RP1L1: variants seen among roughly 807,000 people sequenced by gnomAD.
RP1L1 encodes the protein RP1 like 1.
RP1L1 carries 27 observed loss-of-function variants against 15.7 expected under a neutral mutation model. The ratio of observed to expected loss-of-function variants is 1.72; its 90% CI spans 1.27 to 2.38. The LOEUF is 2.38. RP1L1 is among the 30% of genes most tolerant of loss of function. RP1L1 has a pLI of 0.00. For synonymous variants in RP1L1, 1,813 were observed against 1,276.7 expected (o/e 1.42, Z -8.96); for missense variants, 4,798 against 3,075.9 (o/e 1.56, Z -13.24).
intron 1 of RP1L1, among the ~76,000 whole-genome samples, chr8:10,634,769 G>A (rs1225584144): frequency 2.0e-5 from 3 of 152,098 alleles, no homozygotes; most frequent in Admixed American, 6.5e-5. Flanking sequence ...CCAGCCCCGG[G>A]GACCCCTGTC....
At position 10,651,454 on chromosome 8, in the gene RP1L1, C is replaced by T. The variant is rs562852969; in HGVS notation, c.-20+3444G>A. On this transcript the variant is annotated intron_variant, in intron 1 of 3. Transcript: ENST00000382483. ...AAATAAAAGCTATGCTCGGGCCGGG[C>T]GCAGTGGCTAACGTCTGTAATCCCA... is the stretch of plus-strand genomic sequence containing the variant. 7.9e-5 allele frequency among the ~76,000 whole-genome samples: 12 copies of T among 152,228 alleles called. No individual in the cohort carries two copies. The South Asian group carries it at 1.9e-3, about 24-fold the overall frequency.
At chr8:10,629,778 T>C (rs1017283823) in intron 1 of RP1L1, among the ~76,000 whole-genome samples, 1 of 152,080 alleles carries the variant, frequency 6.6e-6, no homozygotes, top group African/African-American at 2.4e-5. Flanking sequence ...CTGCTGTCCT[T>C]ACCACTTATT....
intron 1 of RP1L1, among the ~76,000 whole-genome samples, chr8:10,652,798 C>T (rs922103508): frequency 6.6e-6 from 1 of 152,190 alleles, no homozygotes; most frequent in Non-Finnish European, 1.5e-5. Flanking sequence ...GTCCTCTGTG[C>T]GTACCTGCCC....
rs984523931 is a variant in RP1L1 at position 10,622,762 on chromosome 8, C to A, written c.440G>T (p.Ser147Ile). 1 of 1,614,060 alleles carries A rather than the reference C, an allele frequency of 6.2e-7. No individual in the cohort carries two copies. The highest frequency in any genetic ancestry group is 8.5e-7 in the Non-Finnish European group (1 of 1,179,994). ...CAGTATCCTCCGGGGGGTTTTAAGA[C>A]TCTTCCGGGAGGAGGAGGTGCCTGG... ...EAPGTSSSRK[S>I]LKTPRRILLI... The change falls in exon 2 of 4, where the codon AGT becomes ATT. Residue 147 changes from serine (S) to isoleucine (I), a missense_variant. Ser to Ile is a moderately radical substitution (Grantham distance 142). Transcript: ENST00000382483.
chr8:10,642,357 T>C (rs368487438), intron 1 of RP1L1, among the ~76,000 whole-genome samples: 10 of 152,172 alleles, frequency 6.6e-5, no homozygotes, highest in Non-Finnish European at 1.2e-4. Flanking sequence ...GGCCAATAAT[T>C]ATTAACCGGA....
chr8:10,608,952 C>G lies in RP1L1; in HGVS notation c.5146G>C (p.Asp1716His). The G allele has an allele frequency of 6.2e-7, 1 of 1,613,874 alleles. No homozygotes were observed. The highest frequency in any genetic ancestry group is 8.5e-7 in the Non-Finnish European group (1 of 1,179,792). ...AEVAPGKTHT[D>H]PTSTRTVQGA... is the part of the protein sequence containing the mutation. ...TGGACAGTCCTAGTGCTCGTGGGGT[C>G]CGTGTGGGTCTTGCCAGGGGCCACC... Residue 1716 changes from aspartate to histidine, a missense_variant, in exon 4 of 4, where the codon GAC (aspartate) becomes CAC (histidine). Transcript: ENST00000382483.
chr8:10,612,828 T>A lies in RP1L1; in HGVS notation c.1270A>T (p.Lys424Ter), dbSNP rs770463388. Residue 424 changes from lysine to a stop codon, truncating the protein, a stop_gained, in exon 4 of 4, where the codon AAG becomes TAG. Transcript: ENST00000382483. LOFTEE classifies it low-confidence loss of function (END_TRUNC). ...ACGTGCTGGGCCAGTCCCCACCTCT[T>A]CCGAGCTGCCACTCTCTCTCCCTGG... ...ASQGERVAAR[K>*]RWGLAQHVRC... is the part of the protein sequence containing the mutation. The A allele has an allele frequency of 3.9e-5, 63 of 1,612,098 alleles. 1 individual carries two copies. The South Asian group carries it at 6.1e-4, about 16-fold the overall frequency.
chr8:10,637,632 C>T (rs998031493), intron 1 of RP1L1, among the ~76,000 whole-genome samples: 6 of 152,170 alleles, frequency 3.9e-5, no homozygotes, highest in Non-Finnish European at 7.3e-5. Context: ...TTTATAGTCA[C>T]TAGATCTACT....
At chr8:10,643,433 T>C (rs1798434953) in intron 1 of RP1L1, among the ~76,000 whole-genome samples, 1 of 152,208 alleles carries the variant, frequency 6.6e-6, no homozygotes. Context: ...CAGTGTTAGT[T>C]CTTCCCCTTC....
chr8:10,606,746 T>C lies in RP1L1; in HGVS notation c.*149A>G. 7.6e-7 allele frequency: 1 copy of C among 1,311,874 alleles called. No homozygotes were observed. Among genetic ancestry groups the C allele is most frequent in the Non-Finnish European group, 1.0e-6 (1 of 964,232 alleles). The allele number at this position is 1,311,874 out of a possible 1,614,324, so 81.3% of individuals were successfully genotyped here. A position where few individuals can be genotyped will look rare whatever the true frequency, so the allele number is the denominator to read the frequency against. On this transcript the variant is annotated 3_prime_UTR_variant, in exon 4 of 4. Coordinates refer to ENST00000382483, the MANE Select transcript of RP1L1 (RefSeq NM_178857.6). Reference sequence around the variant, plus strand: ...TGGACTTAAGAGTCCCAGGACAGCATGGCATGGGCTGTGTCCTTGGCAAGT... The same window carrying C: ...TGGACTTAAGAGTCCCAGGACAGCACGGCATGGGCTGTGTCCTTGGCAAGT...
chr8:10,610,630 G>A lies in RP1L1; in HGVS notation c.3468C>T (p.Asp1156=), dbSNP rs1013671405. ...RYQELLSISK[D]LWPGCDVGED... ...CCCCAACGTCACATCCTGGCCACAG[G>A]TCCTTCGAGATGCTGAGCAGCTCCT... is the stretch of plus-strand genomic sequence containing the variant. The change falls in exon 4 of 4, where the codon GAC becomes GAT. Residue 1156 remains aspartate, a synonymous_variant. Coordinates refer to ENST00000382483, the MANE Select transcript of RP1L1 (RefSeq NM_178857.6). 1.9e-6 allele frequency: 3 copies of A among 1,612,324 alleles called. No individual in the cohort carries two copies. The highest frequency in any genetic ancestry group is 2.5e-6 in the Non-Finnish European group (3 of 1,179,356).
In RP1L1 at chr8:10,612,946, G is replaced by A. The variant is rs376806906; in HGVS notation, c.1152C>T (p.Pro384=). ...WGFSEPGVWG[P]RPCRVGCREV... is the part of the protein sequence containing the mutation. ...CCCTGCATCCCACCCTGCAGGGCCGGGGTCCCCACACCCCAGGCTCTGAGA... is the reference window on the plus strand; with the variant it reads ...CCCTGCATCCCACCCTGCAGGGCCGAGGTCCCCACACCCCAGGCTCTGAGA... Residue 384 remains proline (P), a synonymous_variant, in exon 4 of 4, where the codon CCC becomes CCT. Transcript: ENST00000382483. The A allele has an allele frequency of 6.8e-6, 11 of 1,612,982 alleles. No individual in the cohort carries two copies. Among genetic ancestry groups the A allele is most frequent in the South Asian group, 1.1e-5 (1 of 91,086 alleles).
intron 1 of RP1L1, among the ~76,000 whole-genome samples, chr8:10,649,795 G>C (rs1297780421): frequency 2.6e-5 from 4 of 152,184 alleles, no homozygotes; most frequent in Non-Finnish European, 2.9e-5. Flanking sequence ...CAACACACGG[G>C]ATTACAGATG....
rs375158974 is a variant in RP1L1, at chr8:10,609,576, A to T, written c.4522T>A (p.Cys1508Ser). ...GAAERSSSVA[C>S]SAALDCDPIW... Reference sequence around the variant, plus strand: ...GGGTCGCAGTCCAGAGCCGCGCTGCAGGCCACCGAAGAGCTCCTCTCTGCA... The same window carrying T: ...GGGTCGCAGTCCAGAGCCGCGCTGCTGGCCACCGAAGAGCTCCTCTCTGCA... Residue 1508 changes from cysteine to serine, a missense_variant, in exon 4 of 4, where the codon TGC becomes AGC. Cys to Ser is a moderately radical substitution (Grantham distance 112). Coordinates refer to ENST00000382483, the MANE Select transcript of RP1L1 (RefSeq NM_178857.6). 12 of 1,603,274 alleles carry T rather than the reference A, an allele frequency of 7.5e-6. No individual in the cohort carries two copies. Among genetic ancestry groups the T allele is most frequent in the Middle Eastern group, 1.6e-4 (1 of 6,068 alleles).
At chr8:10,646,823 G>T (rs1276769794) in intron 1 of RP1L1, among the ~76,000 whole-genome samples, 1 of 152,246 alleles carries the variant, frequency 6.6e-6, no homozygotes, top group Non-Finnish European at 1.5e-5. Context: ...TCCGCGGAGA[G>T]GCTATGAAGA....
At chr8:10,647,234 C>T (rs531941731) in intron 1 of RP1L1, among the ~76,000 whole-genome samples, 9 of 152,344 alleles carry the variant, frequency 5.9e-5, no homozygotes, top group South Asian at 2.1e-4. Flanking sequence ...CAAATCCTAA[C>T]GAATGTCCGC....
At chr8:10,641,338 A>T (rs890924641) in intron 1 of RP1L1, among the ~76,000 whole-genome samples, 7 of 152,234 alleles carry the variant, frequency 4.6e-5, no homozygotes, top group Admixed American at 4.6e-4. Flanking sequence ...TCTACAAGAC[A>T]GCGACCCCTG....
In RP1L1 at chr8:10,613,247, G is replaced by A. The variant is rs74594406; in HGVS notation, c.851C>T (p.Pro284Leu). The change falls in exon 4 of 4, where the codon CCG becomes CTG. Residue 284 changes from proline to leucine, a missense_variant. Coordinates refer to ENST00000382483, the MANE Select transcript of RP1L1 (RefSeq NM_178857.6). Reference sequence around the variant, plus strand: ...GTGCCTGCCAGGAGCAGGGCCCACCGGGGGGTTGCTAGGACCAGGCCTTTC... The same window carrying A: ...GTGCCTGCCAGGAGCAGGGCCCACCAGGGGGTTGCTAGGACCAGGCCTTTC... ...LPERPGPSNP[P>L]VGPAPGRHPQ... The A allele has an allele frequency of 8.7e-4, 1,409 of 1,611,626 alleles. 11 individuals are homozygous for A. The African/African-American group carries it at 0.016, about 19-fold the overall frequency.
chr8:10,625,489 C>T (rs947836751), intron 1 of RP1L1, among the ~76,000 whole-genome samples: 1 of 42,568 alleles, frequency 2.3e-5, no homozygotes, highest in African/African-American at 1.0e-4. Context: ...AGCTGGGGGT[C>T]AAGTGGGGAG....
Sources: allele counts gnomAD v4.1 joint callset (sites outside exome capture counted in the v4.1 genomes callset), GRCh38; gene constraint gnomAD v4.1.1; transcripts MANE v1.5; gene names NCBI Gene and HGNC (gene_info 2026-07-23, HGNC 2026-07-21).